AHI1: variants seen among roughly 807,000 people sequenced by gnomAD.
AHI1 encodes the protein jouberin.
Under a neutral mutation model 149.3 loss-of-function variants are expected in AHI1, and 123 were observed. The observed-to-expected ratio is 0.82, with a 90% CI of 0.71 to 0.96. AHI1 has a LOEUF of 0.96. AHI1 is among the 40% of genes least tolerant of loss of function. AHI1 has a pLI of 0.00. For missense variants in AHI1, 1,439 were observed against 1,422.7 expected (o/e 1.01, Z -0.18); for synonymous variants, 475 against 459.8 (o/e 1.03, Z -0.42).
intron 14 of AHI1, 85 bp from the exon 15 acceptor site, chr6:135,438,583 G>T: frequency 9.2e-7 from 1 of 1,090,484 alleles, no homozygotes; most frequent in Non-Finnish European, 1.2e-6. Flanking sequence ...ATATTATTTA[G>T]ACATAAGCAG....
At chr6:135,370,020 C>G (rs375762304) in intron 23 of AHI1, among the ~76,000 whole-genome samples, 1 of 152,094 alleles carries the variant, frequency 6.6e-6, no homozygotes, top group African/African-American at 2.4e-5. Flanking sequence ...CTGTAGGATT[C>G]CTTTTATTCA....
chr6:135,296,452 T>C (rs929411368), intron 27 of AHI1, among the ~76,000 whole-genome samples: 2 of 152,230 alleles, frequency 1.3e-5, no homozygotes, highest in African/African-American at 4.8e-5. Context: ...TATAATAGTA[T>C]ATAAGGTCTT....
At chr6:135,334,044 T>C (rs1038936882) in intron 24 of AHI1, among the ~76,000 whole-genome samples, 3 of 152,238 alleles carry the variant, frequency 2.0e-5, no homozygotes, top group South Asian at 2.1e-4. Context: ...ACAATAACGA[T>C]AAAGCATTTC....
chr6:135,454,545 CCTT>C (rs1788618817), intron 10 of AHI1, among the ~76,000 whole-genome samples: 1 of 151,872 alleles, frequency 6.6e-6, no homozygotes, highest in African/African-American at 2.4e-5. Context: ...TCATTTTTTT[CCTT>C]AAGATAAATA....
At chr6:135,379,343 GATTT>G (rs1045411584) in intron 23 of AHI1, among the ~76,000 whole-genome samples, 7 of 152,064 alleles carry the variant, frequency 4.6e-5, no homozygotes, top group African/African-American at 1.7e-4. Context: ...CCACGTTAAT[GATTT>G]AACATCTCCA....
At chr6:135,302,374 TTTAA>T in intron 26 of AHI1, 1 of 989,056 alleles carries the variant, frequency 1.0e-6, no homozygotes, top group Non-Finnish European at 1.2e-6. Flanking sequence ...CAATGTTACT[TTTAA>T]TTATTTTTTG....
chr6:135,438,536 A>C (rs917380332), intron 14 of AHI1, 38 bp from the exon 15 acceptor site: 2 of 1,486,354 alleles, frequency 1.3e-6, no homozygotes, highest in Non-Finnish European at 1.8e-6. Flanking sequence ...TCCAGACAGA[A>C]GATCCTTAAT....
intron 24 of AHI1, among the ~76,000 whole-genome samples, chr6:135,323,605 A>G (rs1787207116): frequency 6.6e-6 from 1 of 152,194 alleles, no homozygotes; most frequent in African/African-American, 2.4e-5. Flanking sequence ...TTACTTGTGA[A>G]GCAAATAAAA....
chr6:135,426,742 G>GT (rs982039981), intron 20 of AHI1, among the ~76,000 whole-genome samples: 1 of 151,602 alleles, frequency 6.6e-6, no homozygotes, highest in African/African-American at 2.4e-5. Context: ...ATAGAATAGT[G>GT]TAATTGCGGA....
At chr6:135,490,837 A>G (rs1795155837) in intron 4 of AHI1, 90 bp from the exon 5 acceptor site, 3 of 1,453,196 alleles carry the variant, frequency 2.1e-6, no homozygotes, top group African/African-American at 1.4e-5. Flanking sequence ...AAGTTCTTGT[A>G]AATATCGGCA....
chr6:135,371,571 CT>C (rs1234921445), intron 23 of AHI1, among the ~76,000 whole-genome samples: 1 of 152,168 alleles, frequency 6.6e-6, no homozygotes, highest in African/African-American at 2.4e-5. Flanking sequence ...AAATTTTATT[CT>C]ATTATTTAAT....
chr6:135,452,963 A>C (rs935699093), intron 11 of AHI1, among the ~76,000 whole-genome samples: 7 of 152,184 alleles, frequency 4.6e-5, no homozygotes, highest in African/African-American at 1.7e-4. Context: ...TTGTGAAATC[A>C]ATTGTTTTAT....
chr6:135,399,975 G>C (rs963969830), intron 22 of AHI1, among the ~76,000 whole-genome samples: 1 of 152,030 alleles, frequency 6.6e-6, no homozygotes, highest in African/African-American at 2.4e-5. Flanking sequence ...ACAGGGACTT[G>C]TATGGATTAT....
At chr6:135,457,206 C>T (rs144586349) in intron 9 of AHI1, among the ~76,000 whole-genome samples, 5,778 of 152,274 alleles carry the variant, frequency 0.038, 303 homozygotes, top group African/African-American at 0.12. Context: ...ATCGCTTGAA[C>T]CCAGGAGGCA....
At chr6:135,452,777 C>T (rs1384381045) in intron 11 of AHI1, among the ~76,000 whole-genome samples, 1 of 152,038 alleles carries the variant, frequency 6.6e-6, no homozygotes, top group African/African-American at 2.4e-5. Context: ...CTGAATTAAC[C>T]CTGCTCCTTC....
chr6:135,485,180 T>C (rs1454623113), intron 5 of AHI1, among the ~76,000 whole-genome samples: 2 of 151,964 alleles, frequency 1.3e-5, no homozygotes, highest in African/African-American at 4.8e-5. Context: ...TTCAAGCAAT[T>C]CTCATGCCTC....
intron 23 of AHI1, among the ~76,000 whole-genome samples, chr6:135,389,436 C>T (rs748014234): frequency 7.9e-5 from 12 of 151,598 alleles, no homozygotes; most frequent in Non-Finnish European, 1.8e-4. Context: ...TTGTTTAAAT[C>T]AAATATTTTC....
chr6:135,480,837 TCAGCAG>T (rs1379494529), intron 5 of AHI1, among the ~76,000 whole-genome samples: 2 of 152,174 alleles, frequency 1.3e-5, no homozygotes, highest in African/African-American at 4.8e-5. Context: ...TCCTGTCAGA[TCAGCAG>T]CAGCATTAGA....
chr6:135,311,606 A>G (rs1403370838), intron 26 of AHI1, among the ~76,000 whole-genome samples: 1 of 152,156 alleles, frequency 6.6e-6, no homozygotes, highest in African/African-American at 2.4e-5. Context: ...TTCCTCCCCA[A>G]ATAAATGGAT....
Sources: allele counts gnomAD v4.1 joint callset (sites outside exome capture counted in the v4.1 genomes callset), GRCh38; gene constraint gnomAD v4.1.1; transcripts MANE v1.5; gene names NCBI Gene and HGNC (gene_info 2026-07-23, HGNC 2026-07-21).